NOS1: variants seen among roughly 807,000 people sequenced by gnomAD.
The protein encoded by NOS1 is NOS type I.
NOS1 carries 51 observed loss-of-function variants against 164.5 expected under a neutral mutation model. That is an observed-to-expected ratio of 0.31 (90% CI 0.25 to 0.39). NOS1 has a LOEUF of 0.39. Among genes scored for constraint, NOS1 ranks in the 10% least tolerant of loss-of-function variants. The probability of loss-of-function intolerance (pLI) is 1.00; values close to 1 mark genes in which losing one functional copy is unlikely to be tolerated. For missense variants in NOS1, 1,362 were observed against 1,885.6 expected (o/e 0.72, Z 5.14); for synonymous variants, 719 against 745.8 (o/e 0.96, Z 0.59).
Position 117,278,032 on chromosome 12 carries a change from C to T in NOS1, c.1591G>A (p.Ala531Thr). ...RFDVLPLLLQ[A>T]NGNDPELFQI... The stretch of plus-strand genomic sequence containing the variant: ...AAGAGCTCAGGGTCATTGCCGTTGG[C>T]CTGAAGCAGGAGCGGCAGGACATCG... The change falls in exon 9 of 29, where the codon GCC (alanine) becomes ACC (threonine). Residue 531 changes from alanine (A) to threonine (T), a missense_variant. By Grantham distance (58) the Ala-to-Thr change is moderately conservative (BLOSUM62 0). Transcript: ENST00000317775. The T allele has an allele frequency of 6.2e-7, 1 of 1,614,028 alleles. No individual in the cohort carries two copies. The highest frequency in any genetic ancestry group is 8.5e-7 in the Non-Finnish European group (1 of 1,179,934).
At position 117,231,965 on chromosome 12, in the gene NOS1, G is replaced by A. The variant is rs747796185; in HGVS notation, c.3402C>T (p.Ser1134=). The A allele has an allele frequency of 5.6e-6, 9 of 1,611,604 alleles. No individual in the cohort carries two copies. The East Asian group carries it at 2.0e-4, about 36-fold the overall frequency. ...TGTGCGAAGCCTGGGGACCCACCTT[G>A]CTGAGGACCAGCAGACGCTGCTTCT... ...EKEKQRLLVL[S]KGLQEYEEWK... is the part of the protein sequence containing the mutation. The change falls in exon 22 of 29, where the codon AGC becomes AGT. Residue 1134 remains serine, a synonymous_variant. Coordinates refer to ENST00000317775, the MANE Select transcript of NOS1 (RefSeq NM_000620.5).
intron 3 of NOS1, among the ~76,000 whole-genome samples, chr12:117,299,808 C>T (rs866430167): frequency 2.4e-4 from 36 of 151,932 alleles, no homozygotes; most frequent in African/African-American, 7.0e-4. Context: ...TCTGGAGGAC[C>T]GAGGGGCATC....
chr12:117,222,701 C>T lies in NOS1; in HGVS notation c.3975+14G>A, dbSNP rs1956727453. On this transcript the variant is annotated intron_variant, in intron 26 of 28. Coordinates refer to ENST00000317775, the MANE Select transcript of NOS1 (RefSeq NM_000620.5). ...GTGTTGGGCTGGGCTAGGGGGTGGGCTGCTGGGGGTTACCTTTGGTTTGTC... is the reference window on the plus strand; with the variant it reads ...GTGTTGGGCTGGGCTAGGGGGTGGGTTGCTGGGGGTTACCTTTGGTTTGTC... 1 of 1,612,802 alleles carries T rather than the reference C, an allele frequency of 6.2e-7. No individual in the cohort carries two copies.
intron 28 of NOS1, among the ~76,000 whole-genome samples, chr12:117,216,590 T>G (rs1365414331): frequency 6.6e-6 from 1 of 152,056 alleles, no homozygotes; most frequent in East Asian, 1.9e-4. Flanking sequence ...GCCATCCTCT[T>G]GCTTCAGCCT....
intron 1 of NOS1, among the ~76,000 whole-genome samples, chr12:117,343,879 C>T (rs1196709033): frequency 6.6e-6 from 1 of 152,204 alleles, no homozygotes; most frequent in African/African-American, 2.4e-5. Context: ...GTTCCCTTCA[C>T]TCGAAAGTTG....
At chr12:117,270,263 T>C (rs1872699899) in intron 10 of NOS1, among the ~76,000 whole-genome samples, 1 of 152,066 alleles carries the variant, frequency 6.6e-6, no homozygotes, top group Non-Finnish European at 1.5e-5. Context: ...ATTTCTTTGG[T>C]TTGGGTAAAC....
Position 117,346,537 on chromosome 12 carries a change from T to C in NOS1, c.-421+14975A>G, listed in dbSNP as rs116574429. Among the ~76,000 whole-genome samples the C allele has an allele frequency of 9.1e-3, 1,381 of 152,258 alleles. 20 individuals carry two copies. Among genetic ancestry groups the C allele is most frequent in the African/African-American group, 0.031 (1,305 of 41,550 alleles). On this transcript the variant is annotated intron_variant, in intron 1 of 28. Transcript: ENST00000317775. ...AACGACAATGTGGGGTGGGTCTTAATGGAGTTTGCAAAACCACCAGCGATG... is the reference window on the plus strand; with the variant it reads ...AACGACAATGTGGGGTGGGTCTTAACGGAGTTTGCAAAACCACCAGCGATG...
intron 1 of NOS1, among the ~76,000 whole-genome samples, chr12:117,358,858 A>C (rs1407536819): frequency 6.6e-6 from 1 of 152,242 alleles, no homozygotes; most frequent in Non-Finnish European, 1.5e-5. Flanking sequence ...GGCTGAACAG[A>C]TGTATCAGGA....
chr12:117,305,792 T>A (rs1367307336), intron 3 of NOS1, among the ~76,000 whole-genome samples: 1 of 146,304 alleles, frequency 6.8e-6, no homozygotes, highest in Non-Finnish European at 1.5e-5. Context: ...GCCCGTGACT[T>A]TTTTTTTTTT....
At chr12:117,327,305 G>A (rs1250439167) in intron 2 of NOS1, among the ~76,000 whole-genome samples, 1 of 152,224 alleles carries the variant, frequency 6.6e-6, no homozygotes, top group Non-Finnish European at 1.5e-5. Context: ...GGAGGCAGAG[G>A]TGGTGCTTGG....
At chr12:117,348,558 A>G (rs979778291) in intron 1 of NOS1, among the ~76,000 whole-genome samples, 4 of 152,218 alleles carry the variant, frequency 2.6e-5, no homozygotes, top group Admixed American at 6.5e-5. Flanking sequence ...TTCCCTTACA[A>G]TGAACTCACT....
At chr12:117,317,260 G>T (rs373307987) in intron 2 of NOS1, among the ~76,000 whole-genome samples, 30 of 152,000 alleles carry the variant, frequency 2.0e-4, no homozygotes, top group African/African-American at 6.0e-4. Context: ...CTTCTGAGAT[G>T]TCTGGATGGT....
intron 1 of NOS1, among the ~76,000 whole-genome samples, chr12:117,361,096 G>A (rs1237579664): frequency 1.3e-5 from 2 of 152,084 alleles, no homozygotes; most frequent in African/African-American, 2.4e-5. Context: ...GGACGGAGAA[G>A]GGGCGCGGGA....
chr12:117,215,165 G>C lies in NOS1; in HGVS notation c.*144C>G. On this transcript the variant is annotated 3_prime_UTR_variant, in exon 29 of 29. Transcript: ENST00000317775. ...CAGGAGGGCCGAGGAAACCACTGAG[G>C]GGCGAGAAGCCCGAGGAGGGAAACC... 1 of 1,328,788 alleles carries C rather than the reference G, an allele frequency of 7.5e-7. No individual in the cohort carries two copies. The highest frequency in any genetic ancestry group is 1.5e-5 in the African/African-American group (1 of 67,028). The allele number at this position is 1,328,788 out of a possible 1,614,324, so 82.3% of individuals were successfully genotyped here.
At chr12:117,348,450 T>G (rs1028772773) in intron 1 of NOS1, 2 of 152,188 alleles carry the variant, frequency 1.3e-5, no homozygotes, top group African/African-American at 4.8e-5. Context: ...CTTGTGAAGA[T>G]TCCATGAAGT....
chr12:117,310,540 G>GAACGCATAAAACACGGCTAAAA (rs1874377729), intron 3 of NOS1, among the ~76,000 whole-genome samples: 1 of 152,146 alleles, frequency 6.6e-6, no homozygotes, highest in African/African-American at 2.4e-5. Flanking sequence ...ACGGCTAAAA[G>GAACGCATAAAACACGGCTAAAA]AACACACAAA....
chr12:117,295,056 T>C (rs1873320743), intron 3 of NOS1, among the ~76,000 whole-genome samples: 1 of 152,190 alleles, frequency 6.6e-6, no homozygotes, highest in Non-Finnish European at 1.5e-5. Flanking sequence ...CTCTGATTCC[T>C]TTTCCCCTCT....
chr12:117,217,339 A>C (rs1245410890), intron 28 of NOS1, among the ~76,000 whole-genome samples: 1 of 152,110 alleles, frequency 6.6e-6, no homozygotes, highest in Non-Finnish European at 1.5e-5. Context: ...TTGTAGAAGA[A>C]ACCCTTGCCC....
rs1592913309 is a variant in NOS1 at position 117,210,869 on chromosome 12, A to G, written c.*4440T>C. On this transcript the variant is annotated 3_prime_UTR_variant, in exon 29 of 29. Transcript: ENST00000317775. ...TGACTCCAGAGAAGCTGACTATCAC[A>G]TCAGCTCTGAAAACTCATCTTTTCC... is the stretch of plus-strand genomic sequence containing the variant. 4 of 985,220 alleles carry G rather than the reference A, an allele frequency of 4.1e-6. No homozygotes were observed. The highest frequency in any genetic ancestry group is 2.3e-4 in the East Asian group (2 of 8,828). 61.0% of individuals were successfully genotyped at this position (985,220 alleles called of 1,614,324 possible).
Sources: allele counts gnomAD v4.1 joint callset (sites outside exome capture counted in the v4.1 genomes callset), GRCh38; gene constraint gnomAD v4.1.1; transcripts MANE v1.5; gene names NCBI Gene and HGNC (gene_info 2026-07-23, HGNC 2026-07-21).